TBCD: variants seen among roughly 807,000 people sequenced by gnomAD.
TBCD encodes the protein tubulin-specific chaperone D.
TBCD carries 105 observed loss-of-function variants against 169.3 expected under a neutral mutation model. That is an observed-to-expected ratio of 0.62 (90% CI 0.53 to 0.73). The LOEUF (loss-of-function observed/expected upper bound fraction) is 0.73. TBCD is among the 30% of genes least tolerant of loss of function. TBCD has a pLI of 0.00. For synonymous variants in TBCD, 700 were observed against 643.9 expected, an observed-to-expected ratio of 1.09 and a Z score of -1.32; for missense variants, 1,444 against 1,600.1, an observed-to-expected ratio of 0.90 and a Z score of 1.66.
chr17:82,850,236 C>A, intron 13 of TBCD, among the ~76,000 whole-genome samples: 1 of 92,806 alleles, frequency 1.1e-5, no homozygotes, highest in East Asian at 2.9e-4. Context: ...GGCTGTGCTG[C>A]TGTTGGCTGT....
At chr17:82,761,721 C>CTTT (rs888633545) in intron 2 of TBCD, among the ~76,000 whole-genome samples, 1 of 145,532 alleles carries the variant, frequency 6.9e-6, no homozygotes, top group Non-Finnish European at 1.5e-5. Context: ...TTTGTTTCTT[C>CTTT]TTTTTTTTTT....
At chr17:82,805,235 A>G (rs2050872295) in intron 9 of TBCD, among the ~76,000 whole-genome samples, 1 of 152,188 alleles carries the variant, frequency 6.6e-6, no homozygotes, top group African/African-American at 2.4e-5. Context: ...AAGTGGGGGC[A>G]TGGAGCGGCT....
At chr17:82,823,674 T>C (rs1048468949) in intron 13 of TBCD, among the ~76,000 whole-genome samples, 5 of 151,974 alleles carry the variant, frequency 3.3e-5, no homozygotes, top group African/African-American at 1.2e-4. Context: ...GGATCCTTTA[T>C]TTTTTTTCAG....
intron 16 of TBCD, among the ~76,000 whole-genome samples, chr17:82,892,049 G>A (rs533532529): frequency 1.3e-5 from 2 of 152,326 alleles, no homozygotes; most frequent in African/African-American, 4.8e-5. Context: ...CTGCACAGGT[G>A]AGGAAGTTGA....
intron 36 of TBCD, 111 bp from the exon 37 acceptor site, chr17:82,939,256 C>A (rs1254698987): frequency 2.4e-6 from 2 of 832,510 alleles, no homozygotes; most frequent in African/African-American, 1.7e-5. Flanking sequence ...GGGTCAGCGT[C>A]CTCCTCCTGA....
intron 4 of TBCD, 102 bp from the exon 5 acceptor site, chr17:82,768,318 A>T: frequency 7.2e-7 from 1 of 1,386,738 alleles, no homozygotes; most frequent in Non-Finnish European, 1.0e-6. Flanking sequence ...TGGCTTTCAT[A>T]GGCATTGGGT....
chr17:82,926,424 AC>A lies in TBCD; in HGVS notation c.2407del (p.His803ThrfsTer7), dbSNP rs1311018549. ...GGTTCTCACAGGTTTAAGAGCAGTT[AC>A]CCACACTTCCCCCGAGGACGTAAGT... is the stretch of plus-strand genomic sequence containing the variant. ...QQVLTGLRAV[T>X]HTSPEDVSFA... On this transcript the variant is annotated frameshift_variant, in exon 28 of 39. Transcript: ENST00000355528. LOFTEE classifies it high-confidence loss of function. The A allele has an allele frequency of 1.2e-6, 2 of 1,613,972 alleles. No individual in the cohort carries two copies. The highest frequency in any genetic ancestry group is 1.3e-5 in the African/African-American group (1 of 75,036).
chr17:82,844,121 G>A (rs1055778511), intron 13 of TBCD, among the ~76,000 whole-genome samples: 2 of 151,718 alleles, frequency 1.3e-5, no homozygotes, highest in African/African-American at 2.4e-5. Flanking sequence ...TTCTCATGCA[G>A]TACTTTCAGT....
At chr17:82,862,124 G>A (rs1024679795) in intron 13 of TBCD, among the ~76,000 whole-genome samples, 77 of 151,878 alleles carry the variant, frequency 5.1e-4, no homozygotes, top group Admixed American at 2.1e-3. Flanking sequence ...GGGTTTCACC[G>A]TGTTAGCCAG....
rs1432396151 is a variant in TBCD, at chr17:82,752,097, C to T, written c.-97C>T. On this transcript the variant is annotated 5_prime_UTR_variant, in exon 1 of 39. Transcript: ENST00000355528. ...TCGGTTGCCGCCTTAGCGGGCGCCTCCTTTTCATCCCTCATCCTTCATCCC... is the reference window on the plus strand; with the variant it reads ...TCGGTTGCCGCCTTAGCGGGCGCCTTCTTTTCATCCCTCATCCTTCATCCC... 1.5e-6 allele frequency: 2 copies of T among 1,311,788 alleles called. No individual in the cohort carries two copies. Among genetic ancestry groups the T allele is most frequent in the Admixed American group, 8.0e-5 (2 of 25,066 alleles). 81.3% of individuals were successfully genotyped at this position (1,311,788 alleles called of 1,614,324 possible). A position where few individuals can be genotyped will look rare whatever the true frequency, so the allele number is the denominator to read the frequency against.
chr17:82,867,398 G>A (rs534044062), intron 13 of TBCD, among the ~76,000 whole-genome samples: 80 of 152,230 alleles, frequency 5.3e-4, no homozygotes, highest in Non-Finnish European at 1.0e-3. Context: ...CCGGGTGGTC[G>A]TGCCTGGGGC....
chr17:82,872,117 A>G (rs1023254523), intron 14 of TBCD, among the ~76,000 whole-genome samples: 1 of 152,108 alleles, frequency 6.6e-6, no homozygotes, highest in Non-Finnish European at 1.5e-5. Flanking sequence ...CTCATAGTCT[A>G]GATTCTTGCA....
chr17:82,830,471 C>T lies in TBCD; in HGVS notation c.1318+15537C>T, dbSNP rs372202694. On this transcript the variant is annotated intron_variant, in intron 13 of 38. Transcript: ENST00000355528. ...GCGCATGCGTCTGGAGCCTCCTCGCCGGGGCCTGTGGGTGGGGCCCCGTCA... is the reference window on the plus strand; with the variant it reads ...GCGCATGCGTCTGGAGCCTCCTCGCTGGGGCCTGTGGGTGGGGCCCCGTCA... 1.9e-5 allele frequency: 31 copies of T among 1,613,088 alleles called. No individual in the cohort carries two copies. The East Asian group carries it at 2.0e-4, about 10-fold the overall frequency.
rs576198401 is a variant in TBCD at position 82,942,627 on chromosome 17, C to T, written c.*164C>T. On this transcript the variant is annotated 3_prime_UTR_variant, in exon 39 of 39. Coordinates refer to ENST00000355528, the MANE Select transcript of TBCD (RefSeq NM_005993.5). The stretch of plus-strand genomic sequence containing the variant: ...TGACAGCTTTTCCTCTCTGCACCTG[C>T]GCTCTGGTGACTTGGGGTGGACGCC... 1.9e-4 allele frequency: 159 copies of T among 844,754 alleles called. No individual in the cohort carries two copies. Among genetic ancestry groups the T allele is most frequent in the East Asian group, 9.6e-4 (36 of 37,610 alleles). 52.3% of individuals were successfully genotyped at this position (844,754 alleles called of 1,614,324 possible).
chr17:82,830,446 G>A lies in TBCD; in HGVS notation c.1318+15512G>A, dbSNP rs777328077. On this transcript the variant is annotated intron_variant, in intron 13 of 38. Coordinates refer to ENST00000355528, the MANE Select transcript of TBCD (RefSeq NM_005993.5). Reference sequence around the variant, plus strand: ...CTTCTGCTCCTCGCTGCTGTCCACCGCGCATGCGTCTGGAGCCTCCTCGCC... The same window carrying A: ...CTTCTGCTCCTCGCTGCTGTCCACCACGCATGCGTCTGGAGCCTCCTCGCC... 11 of 1,612,002 alleles carry A rather than the reference G, an allele frequency of 6.8e-6. No individual in the cohort carries two copies. The highest frequency in any genetic ancestry group is 1.3e-5 in the African/African-American group (1 of 74,944).
chr17:82,937,377 G>A lies in TBCD; in HGVS notation c.3281+17G>A, dbSNP rs8079398. The stretch of plus-strand genomic sequence containing the variant: ...CATCGCAGTGTGAGTTTCAAGTGCT[G>A]CTGGCCTTAGACGGAATGGCAGGGC... On this transcript the variant is annotated intron_variant, in intron 35 of 38. Transcript: ENST00000355528. 718,182 of 1,611,808 alleles carry A rather than the reference G, an allele frequency of 0.45. 169,442 individuals are homozygous for A. Among genetic ancestry groups the A allele is most frequent in the African/African-American group, 0.82 (61,280 of 74,996 alleles).
chr17:82,779,999 C>T (rs1352496950), intron 6 of TBCD, among the ~76,000 whole-genome samples: 2 of 152,210 alleles, frequency 1.3e-5, no homozygotes, highest in Non-Finnish European at 1.5e-5. Context: ...CTCCTTCCCC[C>T]CACCCCATAA....
intron 13 of TBCD, among the ~76,000 whole-genome samples, chr17:82,828,149 CCA>C (rs1491015496): frequency 6.1e-5 from 7 of 114,972 alleles, no homozygotes; most frequent in Non-Finnish European, 1.1e-4. Flanking sequence ...GTGCATACAC[CCA>C]CAGACACACA....
intron 1 of TBCD, 53 bp downstream of exon 1, chr17:82,752,430 G>C (rs1267096284): frequency 1.7e-6 from 2 of 1,180,118 alleles, no homozygotes; most frequent in African/African-American, 1.6e-5. Flanking sequence ...GGTTCGGCGC[G>C]CTGAGTGCAC....
Sources: gnomAD v4.1 joint callset for allele counts (sites outside exome capture counted in the v4.1 genomes callset) on GRCh38, gnomAD v4.1.1 for gene constraint, MANE v1.5 for transcripts, NCBI Gene and HGNC (gene_info 2026-07-23, HGNC 2026-07-21) for gene names.